ST14: variants seen among roughly 807,000 people sequenced by gnomAD.
ST14 encodes ST14 transmembrane serine protease matriptase, also known as suppressor of tumorigenicity 14 protein.
Under a neutral mutation model 96.5 loss-of-function variants are expected in ST14, and 40 were observed. The observed-to-expected ratio is 0.41, with a 90% CI of 0.32 to 0.54. The LOEUF is 0.54. ST14 is among the 20% of genes least tolerant of loss of function. ST14 has a pLI of 0.17. For missense variants in ST14, 1,066 were observed against 1,188.9 expected (o/e 0.90, Z 1.52); for synonymous variants, 506 against 492.1 (o/e 1.03, Z -0.37).
chr11:130,189,718 A>C, intron 4 of ST14, 21 bp from the exon 5 acceptor site: 1 of 1,608,410 alleles, frequency 6.2e-7, no homozygotes, highest in Non-Finnish European at 8.5e-7. Flanking sequence ...GCTCCGCCTC[A>C]GGCTCCCGCT....
intron 14 of ST14, 145 bp from the exon 15 acceptor site, chr11:130,198,802 G>T: frequency 6.5e-7 from 1 of 1,540,746 alleles, no homozygotes; most frequent in Non-Finnish European, 8.9e-7. Context: ...CCTGTAGCAG[G>T]GCAGGGAGGC....
At chr11:130,195,788 G>C (rs1953355112) in intron 9 of ST14, among the ~76,000 whole-genome samples, 1 of 151,898 alleles carries the variant, frequency 6.6e-6, no homozygotes, top group South Asian at 2.1e-4. Flanking sequence ...GGGAGTCGGA[G>C]GTTGTGGTGA....
Position 130,173,097 on chromosome 11 carries a change from TC to T in ST14, c.81+13042del, listed in dbSNP as rs565619479. 1.4e-3 allele frequency among the ~76,000 whole-genome samples: 218 copies of T among 152,246 alleles called. 1 individual carries two copies. The highest frequency in any genetic ancestry group is 5.1e-3 in the African/African-American group (211 of 41,554). Reference sequence around the variant, plus strand: ...AATACTTTTCTCTGTGCCTCAGTTTTCCCCCTCTTAAAAGTGGGTTAATAAC... The same window carrying T: ...AATACTTTTCTCTGTGCCTCAGTTTTCCCCTCTTAAAAGTGGGTTAATAAC... On this transcript the variant is annotated intron_variant, in intron 1 of 18. Transcript: ENST00000278742.
chr11:130,205,264 C>A (rs1953473629), intron 16 of ST14, among the ~76,000 whole-genome samples: 1 of 152,078 alleles, frequency 6.6e-6, no homozygotes, highest in South Asian at 2.1e-4. Context: ...GTAGCTGGGA[C>A]TACAGGTGTG....
chr11:130,171,710 C>A (rs1483783533), intron 1 of ST14, among the ~76,000 whole-genome samples: 3 of 152,218 alleles, frequency 2.0e-5, no homozygotes, highest in African/African-American at 7.2e-5. Flanking sequence ...AAAGACAATT[C>A]TCCTTAGTAC....
intron 1 of ST14, among the ~76,000 whole-genome samples, chr11:130,186,150 G>A (rs1953236165): frequency 1.3e-5 from 2 of 152,206 alleles, no homozygotes; most frequent in Non-Finnish European, 2.9e-5. Flanking sequence ...GAAACCTATA[G>A]TTCTATACCC....
At chr11:130,206,206 T>C (rs535789137) in intron 16 of ST14, among the ~76,000 whole-genome samples, 1 of 152,358 alleles carries the variant, frequency 6.6e-6, no homozygotes, top group Admixed American at 6.5e-5. Flanking sequence ...GACTGTGTTT[T>C]CATGGCTGAG....
chr11:130,195,674 G>A (rs568718635), intron 9 of ST14, among the ~76,000 whole-genome samples: 1 of 152,230 alleles, frequency 6.6e-6, no homozygotes, highest in African/African-American at 2.4e-5. Flanking sequence ...GCAACATTGT[G>A]AAACCCTGTC....
chr11:130,196,235 C>CA, intron 9 of ST14, 104 bp from the exon 10 acceptor site: 1 of 834,564 alleles, frequency 1.2e-6, no homozygotes, highest in Non-Finnish European at 2.0e-6. Flanking sequence ...TGATGGAAGG[C>CA]ATACCATCTC....
chr11:130,195,721 C>T lies in ST14; in HGVS notation c.1114-618C>T, dbSNP rs547738824. Among the ~76,000 whole-genome samples the T allele has an allele frequency of 2.2e-4, 33 of 151,996 alleles. No individual in the cohort carries two copies. In the East Asian group the frequency reaches 4.6e-3, roughly 21 times the overall value. Reference sequence around the variant, plus strand: ...TACAAAAATTAGCCGGGTGTGATGGCGGGCACCTGTAATCCCAGCTGCTCG... The same window carrying T: ...TACAAAAATTAGCCGGGTGTGATGGTGGGCACCTGTAATCCCAGCTGCTCG... On this transcript the variant is annotated intron_variant, in intron 9 of 18. Transcript: ENST00000278742.
At position 130,208,623 on chromosome 11, in the gene ST14, C is replaced by A; in HGVS notation, c.2208C>A (p.Ser736=). The change falls in exon 17 of 19, where the codon TCC becomes TCA. Residue 736 remains serine (S), a synonymous_variant. Transcript: ENST00000278742. ...GGCCCATCTGCCTGCCGGACGCCTC[C>A]CATGTCTTCCCTGCCGGCAAGGCCA... ...MVRPICLPDA[S]HVFPAGKAIW... 1 of 1,614,046 alleles carries A rather than the reference C, an allele frequency of 6.2e-7. No homozygotes were observed. The highest frequency in any genetic ancestry group is 8.5e-7 in the Non-Finnish European group (1 of 1,179,990).
rs200604330 is a variant in ST14 at position 130,187,896 on chromosome 11, G to A, written c.82-218G>A. Among the ~76,000 whole-genome samples the A allele has an allele frequency of 2.0e-5, 3 of 152,178 alleles. No individual in the cohort carries two copies. Among genetic ancestry groups the A allele is most frequent in the African/African-American group, 4.8e-5 (2 of 41,450 alleles). ...CCTGAGATGCGTGGTTGGGAAGGCC[G>A]ACCTCATGTTCCTCCCAGAGCATGC... On this transcript the variant is annotated intron_variant, in intron 1 of 18. Transcript: ENST00000278742. This position sits in a 1 kb window ranked among gnomAD's most constrained non-coding sequence, Gnocchi z 4.5.
At chr11:130,180,081 C>A (rs1953176827) in intron 1 of ST14, among the ~76,000 whole-genome samples, 1 of 152,194 alleles carries the variant, frequency 6.6e-6, no homozygotes, top group African/African-American at 2.4e-5. Context: ...ATCCGTCCCA[C>A]CTTGGAGTCA....
chr11:130,169,291 C>T lies in ST14; in HGVS notation c.81+9231C>T, dbSNP rs894825463. 2.6e-5 allele frequency among the ~76,000 whole-genome samples: 4 copies of T among 152,062 alleles called. 1 individual carries two copies. Among genetic ancestry groups the T allele is most frequent in the Admixed American group, 2.0e-4 (3 of 15,264 alleles). On this transcript the variant is annotated intron_variant, in intron 1 of 18. Transcript: ENST00000278742. ...TGTATTTTTAGTAGAGACAGGGTTT[C>T]GCCATGTTGGCCAGACTGGTCTTGA...
At chr11:130,190,070 G>A (rs1256348653) in intron 5 of ST14, 43 bp from the exon 6 acceptor site, 1 of 1,613,976 alleles carries the variant, frequency 6.2e-7, no homozygotes, top group Non-Finnish European at 8.5e-7. Context: ...ATAAGGAAAT[G>A]GATTGTATCA....
chr11:130,170,785 C>T (rs1198444113), intron 1 of ST14, among the ~76,000 whole-genome samples: 1 of 151,936 alleles, frequency 6.6e-6, no homozygotes, highest in South Asian at 2.1e-4. Flanking sequence ...CAGTGGTGGG[C>T]ACAGCAGGGG....
intron 1 of ST14, 61 bp downstream of exon 1, chr11:130,160,121 C>T: frequency 8.4e-7 from 1 of 1,189,724 alleles, no homozygotes; most frequent in South Asian, 2.3e-5. Flanking sequence ...CCCTGCAGCG[C>T]GGCGCTGGGC....
rs1263699307 is a variant in ST14 at position 130,160,006 on chromosome 11, C to A, written c.27C>A (p.Gly9=). 4 of 1,423,430 alleles carry A rather than the reference C, an allele frequency of 2.8e-6. No individual in the cohort carries two copies. The highest frequency in any genetic ancestry group is 1.5e-5 in the South Asian group (1 of 67,938). 88.2% of individuals were successfully genotyped at this position (1,423,430 alleles called of 1,614,324 possible). A position where few individuals can be genotyped will look rare whatever the true frequency, so the allele number is the denominator to read the frequency against. MGSDRARK[G]GGGPKDFGAG... is the part of the protein sequence containing the mutation. ...TGGGGAGCGATCGGGCCCGCAAGGG[C>A]GGAGGGGGCCCGAAGGACTTCGGCG... is the stretch of plus-strand genomic sequence containing the variant. The change falls in exon 1 of 19, where the codon GGC becomes GGA. Residue 9 remains glycine, a synonymous_variant. Transcript: ENST00000278742.
At chr11:130,162,757 C>T (rs1238303657) in intron 1 of ST14, among the ~76,000 whole-genome samples, 1 of 152,210 alleles carries the variant, frequency 6.6e-6, no homozygotes, top group African/African-American at 2.4e-5. Flanking sequence ...GAACTGAATT[C>T]TGACTCATGA....
Sources: gnomAD v4.1 joint callset for allele counts (sites outside exome capture counted in the v4.1 genomes callset) on GRCh38, gnomAD v4.1.1 for gene constraint, Gnocchi (gnomAD v3.1) non-coding constraint, MANE v1.5 for transcripts, NCBI Gene and HGNC (gene_info 2026-07-23, HGNC 2026-07-21) for gene names.